FAM13A: variants seen among roughly 807,000 people sequenced by gnomAD.
The protein encoded by FAM13A is family with sequence similarity 13 member A.
Under a neutral mutation model 129.6 loss-of-function variants are expected in FAM13A, and 76 were observed. The observed-to-expected ratio is 0.59, with a 90% CI of 0.49 to 0.71. FAM13A has a LOEUF of 0.71. FAM13A is among the 30% of genes least tolerant of loss of function. FAM13A has a pLI of 0.00. For missense variants in FAM13A, 1,108 were observed against 1,249.3 expected, an observed-to-expected ratio of 0.89 and a Z score of 1.70; for synonymous variants, 443 against 449.9, an observed-to-expected ratio of 0.98 and a Z score of 0.20.
chr4:88,781,313 T>C lies in FAM13A; in HGVS notation c.1310A>G (p.Asn437Ser), dbSNP rs115398045. The part of the protein sequence containing the change: ...INKENTPSGF[N>S]HLDDCILNTQ... ...ATTCAAAATACAATCATCAAGGTGG[T>C]TGAACCCAGAAGGAGTATTTTCTTT... is the stretch of plus-strand genomic sequence containing the variant. The change falls in exon 11 of 24, where the codon AAC becomes AGC. Residue 437 changes from asparagine to serine, a missense_variant. By Grantham distance (46) the Asn-to-Ser change is conservative. Around this residue, in one of 3 missense-constraint regions of FAM13A, gnomAD observed 566 missense variants for 595.7 expected, o/e 0.95. Coordinates refer to ENST00000264344, the MANE Select transcript of FAM13A (RefSeq NM_014883.4). The C allele has an allele frequency of 6.9e-5, 111 of 1,610,528 alleles. No homozygotes were observed. The East Asian group carries it at 7.2e-4, about 10-fold the overall frequency.
chr4:88,854,864 A>C (rs1738229252), intron 6 of FAM13A, among the ~76,000 whole-genome samples: 1 of 152,240 alleles, frequency 6.6e-6, no homozygotes, highest in Non-Finnish European at 1.5e-5. Context: ...AAATTAGAAA[A>C]CATTCTCTTA....
intron 4 of FAM13A, among the ~76,000 whole-genome samples, chr4:88,973,477 T>C (rs1228904528): frequency 1.3e-5 from 2 of 152,202 alleles, no homozygotes; most frequent in African/African-American, 4.8e-5. Context: ...GTTTCAGTAA[T>C]TTTGATTTCT....
chr4:88,801,279 T>C (rs1393845599), intron 8 of FAM13A, among the ~76,000 whole-genome samples: 2 of 152,212 alleles, frequency 1.3e-5, no homozygotes, highest in East Asian at 1.9e-4. Flanking sequence ...AGAAAATCGA[T>C]AGTTCCCAGG....
chr4:88,976,233 A>G (rs867827857), intron 4 of FAM13A, among the ~76,000 whole-genome samples: 1 of 152,210 alleles, frequency 6.6e-6, no homozygotes, highest in Admixed American at 6.5e-5. Context: ...GATCAACTAT[A>G]TATCTCTCCT....
intron 23 of FAM13A, among the ~76,000 whole-genome samples, chr4:88,731,009 A>G (rs1328172654): frequency 6.6e-6 from 1 of 152,196 alleles, no homozygotes; most frequent in Non-Finnish European, 1.5e-5. Context: ...TGCCACCACC[A>G]GCGGGAAACG....
At chr4:88,876,717 A>C (rs906074124) in intron 6 of FAM13A, among the ~76,000 whole-genome samples, 1 of 151,810 alleles carries the variant, frequency 6.6e-6, no homozygotes, top group African/African-American at 2.4e-5. Context: ...TCGGCCTCCC[A>C]AGTAGCTGGG....
intron 1 of FAM13A, among the ~76,000 whole-genome samples, chr4:89,048,763 G>A (rs1196735519): frequency 6.6e-6 from 1 of 152,058 alleles, no homozygotes; most frequent in East Asian, 1.9e-4. Flanking sequence ...AGATGAAATA[G>A]ATAACTTTTG....
At chr4:88,957,379 C>T (rs1414585511) in intron 4 of FAM13A, among the ~76,000 whole-genome samples, 1 of 152,134 alleles carries the variant, frequency 6.6e-6, no homozygotes, top group African/African-American at 2.4e-5. Flanking sequence ...CTCTCACTTG[C>T]CTCTGCTTTC....
At chr4:88,963,127 TA>T (rs548133097) in intron 4 of FAM13A, among the ~76,000 whole-genome samples, 246 of 152,114 alleles carry the variant, frequency 1.6e-3, no homozygotes, top group Non-Finnish European at 2.9e-3. Flanking sequence ...TAATGTTACT[TA>T]AAAAAAATTT....
At chr4:88,857,481 T>C (rs541816149) in intron 6 of FAM13A, among the ~76,000 whole-genome samples, 3 of 151,842 alleles carry the variant, frequency 2.0e-5, no homozygotes, top group Non-Finnish European at 4.4e-5. Context: ...TAAAAAAAAT[T>C]AGCCAGGCAT....
intron 4 of FAM13A, among the ~76,000 whole-genome samples, chr4:88,955,667 A>C (rs1196217251): frequency 6.6e-6 from 1 of 152,210 alleles, no homozygotes; most frequent in Non-Finnish European, 1.5e-5. Flanking sequence ...TGATATGGAT[A>C]ATAAAGTCCA....
At chr4:88,848,141 T>C (rs1736982878) in intron 7 of FAM13A, among the ~76,000 whole-genome samples, 1 of 152,208 alleles carries the variant, frequency 6.6e-6, no homozygotes, top group African/African-American at 2.4e-5. Flanking sequence ...CCCCTTACTC[T>C]TTTCCAACTG....
At chr4:88,867,332 C>T (rs569491347) in intron 6 of FAM13A, among the ~76,000 whole-genome samples, 9 of 152,300 alleles carry the variant, frequency 5.9e-5, no homozygotes, top group Admixed American at 2.0e-4. Context: ...AAACATTAGA[C>T]AGCCCTTCAG....
intron 4 of FAM13A, among the ~76,000 whole-genome samples, chr4:88,966,564 T>C (rs1209315037): frequency 1.3e-5 from 2 of 152,182 alleles, no homozygotes; most frequent in African/African-American, 4.8e-5. Context: ...ATTTTATTTT[T>C]TTCATTTCAT....
intron 6 of FAM13A, among the ~76,000 whole-genome samples, chr4:88,864,628 C>T (rs1455309853): frequency 2.0e-5 from 3 of 151,964 alleles, no homozygotes; most frequent in Non-Finnish European, 2.9e-5. Context: ...AGGATGGTCT[C>T]CATCTCCTGA....
intron 7 of FAM13A, among the ~76,000 whole-genome samples, chr4:88,825,317 G>A (rs1174616042): frequency 1.3e-5 from 2 of 151,792 alleles, no homozygotes; most frequent in African/African-American, 4.8e-5. Context: ...CCAGGTTCAA[G>A]TGATTCTCCT....
At chr4:88,769,506 G>A (rs1230808967) in intron 11 of FAM13A, among the ~76,000 whole-genome samples, 2 of 152,104 alleles carry the variant, frequency 1.3e-5, no homozygotes, top group South Asian at 2.1e-4. Flanking sequence ...CTAACATAGG[G>A]TGGTCATGAG....
At chr4:89,028,408 C>T (rs2149127401) in intron 2 of FAM13A, among the ~76,000 whole-genome samples, 1 of 151,854 alleles carries the variant, frequency 6.6e-6, no homozygotes, top group East Asian at 2.0e-4. Flanking sequence ...CATGGCTGAG[C>T]ATCATGGCTC....
intron 7 of FAM13A, among the ~76,000 whole-genome samples, chr4:88,845,956 A>T (rs1381258606): frequency 6.6e-6 from 1 of 152,220 alleles, no homozygotes; most frequent in Non-Finnish European, 1.5e-5. Flanking sequence ...TCAAATTAAG[A>T]ACACACCTGT....
Sources: gnomAD v4.1 joint callset for allele counts (sites outside exome capture counted in the v4.1 genomes callset) on GRCh38, gnomAD v4.1.1 for gene constraint, gnomAD v4.1.1 regional missense constraint, MANE v1.5 for transcripts, NCBI Gene and HGNC (gene_info 2026-07-23, HGNC 2026-07-21) for gene names.